The following STPG2 variants were observed in gnomAD, a reference collection of about 807,000 sequenced individuals.
The protein encoded by STPG2 is sperm tail PG-rich repeat containing 2.
Under a neutral mutation model 54.2 loss-of-function variants are expected in STPG2, and 56 were observed. That is an observed-to-expected ratio of 1.03 (90% CI 0.83 to 1.29). STPG2 has a LOEUF of 1.29. Among genes scored for constraint, STPG2 ranks in the 50% most tolerant of loss-of-function variants. STPG2 has a pLI of 0.00. For missense variants in STPG2, 596 were observed against 544.9 expected (o/e 1.09, Z -0.93); for synonymous variants, 200 against 181.8 (o/e 1.10, Z -0.81).
intron 5 of STPG2, among the ~76,000 whole-genome samples, chr4:98,024,693 GATATT>G (rs1736357158): frequency 6.6e-6 from 1 of 152,102 alleles, no homozygotes; most frequent in Non-Finnish European, 1.5e-5. Flanking sequence ...ATATGCCACT[GATATT>G]ATATAACATT....
chr4:97,625,861 C>T (rs1326238950), intron 10 of STPG2, among the ~76,000 whole-genome samples: 1 of 152,122 alleles, frequency 6.6e-6, no homozygotes, highest in African/African-American at 2.4e-5. Context: ...GCTTTTAAGC[C>T]ATTTGTGGAC....
chr4:97,641,520 T>A (rs9999993), intron 10 of STPG2, among the ~76,000 whole-genome samples: 67,374 of 151,056 alleles, frequency 0.45, 16,608 homozygotes, highest in South Asian at 0.62. Context: ...AAGCAGAACA[T>A]GTTGTAACCA....
intron 8 of STPG2, among the ~76,000 whole-genome samples, chr4:97,892,322 G>A (rs990598514): frequency 6.6e-6 from 1 of 152,112 alleles, no homozygotes; most frequent in Non-Finnish European, 1.5e-5. Flanking sequence ...GTGAAGCCCT[G>A]TGAGCTCCTT....
At chr4:98,131,608 AC>A (rs1309585349) in intron 2 of STPG2, among the ~76,000 whole-genome samples, 1 of 152,184 alleles carries the variant, frequency 6.6e-6, no homozygotes, top group Non-Finnish European at 1.5e-5. Flanking sequence ...AAAAGTTATG[AC>A]AAGAGAAGGA....
chr4:97,808,783 C>A (rs540842769), intron 9 of STPG2, among the ~76,000 whole-genome samples: 12 of 150,028 alleles, frequency 8.0e-5, no homozygotes, highest in Non-Finnish European at 1.8e-4. Context: ...AAAAAAGACA[C>A]TAAACCAAAG....
intron 10 of STPG2, among the ~76,000 whole-genome samples, chr4:97,701,767 C>T (rs748546317): frequency 6.6e-6 from 1 of 152,202 alleles, no homozygotes; most frequent in Non-Finnish European, 1.5e-5. Flanking sequence ...TAGCCAATCC[C>T]ATAGCTCTAC....
At chr4:97,533,668 A>G (rs1156879575) in intron 4 of STPG2, among the ~76,000 whole-genome samples, 1 of 152,080 alleles carries the variant, frequency 6.6e-6, no homozygotes, top group African/African-American at 2.4e-5. Context: ...AATATGTACT[A>G]TTATGTCAAA....
intron 10 of STPG2, among the ~76,000 whole-genome samples, chr4:97,682,061 G>A (rs931351820): frequency 4.0e-5 from 6 of 151,708 alleles, no homozygotes; most frequent in African/African-American, 1.4e-4. Context: ...ACATGTGTCT[G>A]CTTGATATTT....
chr4:98,058,985 A>G (rs11944645), intron 5 of STPG2, among the ~76,000 whole-genome samples: 1 of 119,660 alleles, frequency 8.4e-6, no homozygotes, highest in Non-Finnish European at 1.9e-5. Context: ...GAAGACAAAA[A>G]AAAAAAAACA....
chr4:97,620,997 A>C (rs1160066635), intron 10 of STPG2, among the ~76,000 whole-genome samples: 1 of 152,180 alleles, frequency 6.6e-6, no homozygotes, highest in Admixed American at 6.5e-5. Flanking sequence ...AAAACTATAT[A>C]ATTACATGGA....
chr4:97,910,509 T>G (rs143602845), intron 8 of STPG2, among the ~76,000 whole-genome samples: 1 of 152,316 alleles, frequency 6.6e-6, no homozygotes, highest in African/African-American at 2.4e-5. Flanking sequence ...AAAAGTACTG[T>G]GGCGTTTTTA....
At chr4:97,561,406 A>G (rs1732237799) in intron 10 of STPG2, among the ~76,000 whole-genome samples, 1 of 151,782 alleles carries the variant, frequency 6.6e-6, no homozygotes, top group African/African-American at 2.4e-5. Flanking sequence ...CTGCCTGTTC[A>G]CTCTGATGGT....
chr4:97,826,583 A>T (rs1728266577), intron 9 of STPG2, among the ~76,000 whole-genome samples: 2 of 152,220 alleles, frequency 1.3e-5, no homozygotes, highest in African/African-American at 4.8e-5. Flanking sequence ...GGTCAAACTG[A>T]TTAAGATTGA....
chr4:97,741,947 AG>A (rs1386594180), intron 9 of STPG2, among the ~76,000 whole-genome samples: 1 of 152,204 alleles, frequency 6.6e-6, no homozygotes, highest in East Asian at 1.9e-4. Flanking sequence ...CACAATAGCA[AG>A]GACTTGGAAC....
intron 5 of STPG2, among the ~76,000 whole-genome samples, chr4:98,048,121 T>A (rs1737197492): frequency 6.6e-6 from 1 of 152,112 alleles, no homozygotes; most frequent in Non-Finnish European, 1.5e-5. Context: ...CTAGTGCACA[T>A]AAATATCCTG....
chr4:97,972,524 T>G (rs1276414975), intron 6 of STPG2, 84 bp from the exon 7 acceptor site: 1 of 800,454 alleles, frequency 1.2e-6, no homozygotes, highest in African/African-American at 1.8e-5. Flanking sequence ...AATTAAGGGT[T>G]TTTTTCTAAA....
At chr4:97,732,187 T>C (rs942407719) in intron 9 of STPG2, among the ~76,000 whole-genome samples, 4 of 152,126 alleles carry the variant, frequency 2.6e-5, no homozygotes, top group Admixed American at 6.5e-5. Flanking sequence ...AGCTGCCCCA[T>C]TCACAAAATC....
At chr4:97,955,455 TC>T (rs1441923583) in intron 7 of STPG2, among the ~76,000 whole-genome samples, 2 of 152,058 alleles carry the variant, frequency 1.3e-5, no homozygotes, top group Non-Finnish European at 2.9e-5. Context: ...GACCTCGTGA[TC>T]CACCCATCTC....
chr4:97,870,825 T>C (rs1729955803), intron 8 of STPG2, among the ~76,000 whole-genome samples: 2 of 151,254 alleles, frequency 1.3e-5, no homozygotes, highest in African/African-American at 4.8e-5. Context: ...CTTAAGGATA[T>C]ATGTTGAACT....
Sources: allele counts gnomAD v4.1 joint callset (sites outside exome capture counted in the v4.1 genomes callset), GRCh38; gene constraint gnomAD v4.1.1; transcripts MANE v1.5; gene names NCBI Gene and HGNC (gene_info 2026-07-23, HGNC 2026-07-21).